SCN8A: variants seen among roughly 807,000 people sequenced by gnomAD.
SCN8A encodes sodium channel protein type 8 subunit alpha.
Under a neutral mutation model 184.1 loss-of-function variants are expected in SCN8A, and 30 were observed. The ratio of observed to expected loss-of-function variants is 0.16; its 90% CI spans 0.12 to 0.22. The LOEUF (loss-of-function observed/expected upper bound fraction) is 0.22. Ranked by LOEUF, SCN8A falls within the 10% of genes least tolerant of loss-of-function variation. The pLI, the probability that SCN8A is intolerant of heterozygous loss-of-function variation, is 1.00. For synonymous variants in SCN8A, 852 were observed against 907.0 expected (o/e 0.94, Z 1.09); for missense variants, 1,057 against 2,498.9 (o/e 0.42, Z 12.30).
At chr12:51,611,310 C>T (rs1007728075) in intron 1 of SCN8A, among the ~76,000 whole-genome samples, 6 of 151,752 alleles carry the variant, frequency 4.0e-5, no homozygotes, top group East Asian at 1.9e-4. Flanking sequence ...TACAGGTGCC[C>T]GCCACCACGC....
chr12:51,709,608 G>A (rs1352723438), intron 11 of SCN8A, among the ~76,000 whole-genome samples: 1 of 152,170 alleles, frequency 6.6e-6, no homozygotes, highest in African/African-American at 2.4e-5. Context: ...ACATGTTTTA[G>A]TCCAGAGTAA....
At chr12:51,789,115 GGCAGGCCAT>G (rs1431565552) in intron 23 of SCN8A, among the ~76,000 whole-genome samples, 157 bp from the exon 24 acceptor site, 1 of 152,154 alleles carries the variant, frequency 6.6e-6, no homozygotes, top group African/African-American at 2.4e-5. Flanking sequence ...GTCCTCTCAA[GGCAGGCCAT>G]GCCAGTGTAG....
At chr12:51,616,260 C>T (rs1939834168) in intron 1 of SCN8A, among the ~76,000 whole-genome samples, 1 of 152,114 alleles carries the variant, frequency 6.6e-6, no homozygotes, top group African/African-American at 2.4e-5. Context: ...TCATCATCAT[C>T]TTTTAAAAAT....
chr12:51,602,261 A>G (rs928720285), intron 1 of SCN8A, among the ~76,000 whole-genome samples: 4 of 152,186 alleles, frequency 2.6e-5, no homozygotes, highest in African/African-American at 4.8e-5. Flanking sequence ...ATATGAATTG[A>G]AACATCACTA....
Position 51,756,278 on chromosome 12 carries a change from A to T in SCN8A, c.2370+4685A>T, listed in dbSNP as rs148259235. ...TTGACTTTATCCCAAACTAGGCGAC[A>T]TCCTCCTCACCCTGATGAGCTCTCA... On this transcript the variant is annotated intron_variant, in intron 14 of 26. Coordinates refer to ENST00000627620, the MANE Select transcript of SCN8A (RefSeq NM_001330260.2). Among the ~76,000 whole-genome samples the T allele has an allele frequency of 1.2e-3, 190 of 152,212 alleles. 1 individual carries two copies. The highest frequency in any genetic ancestry group is 4.3e-3 in the African/African-American group (179 of 41,512).
chr12:51,739,563 A>T (rs570206993), intron 12 of SCN8A, among the ~76,000 whole-genome samples: 1 of 152,200 alleles, frequency 6.6e-6, no homozygotes, highest in Non-Finnish European at 1.5e-5. Flanking sequence ...TATCAGTGTG[A>T]AAAAGTTCTA....
At chr12:51,602,741 C>T (rs1408066978) in intron 1 of SCN8A, among the ~76,000 whole-genome samples, 1 of 152,114 alleles carries the variant, frequency 6.6e-6, no homozygotes, top group Non-Finnish European at 1.5e-5. Context: ...AGAAACCCTG[C>T]TTTCTAGTGT....
chr12:51,803,268 T>C (rs2138936342), intron 26 of SCN8A, among the ~76,000 whole-genome samples: 1 of 152,144 alleles, frequency 6.6e-6, no homozygotes, highest in African/African-American at 2.4e-5. Flanking sequence ...GCAGGAAGCA[T>C]CCAGCGCGGG....
At chr12:51,652,154 ACT>A (rs1262911978) in intron 1 of SCN8A, among the ~76,000 whole-genome samples, 1 of 150,420 alleles carries the variant, frequency 6.6e-6, no homozygotes, top group Non-Finnish European at 1.5e-5. Context: ...TAATCTGAAC[ACT>A]CTGCATCACA....
intron 1 of SCN8A, among the ~76,000 whole-genome samples, chr12:51,626,452 A>G (rs1940079542): frequency 6.6e-6 from 1 of 152,202 alleles, no homozygotes; most frequent in African/African-American, 2.4e-5. Flanking sequence ...ATTTAATTCA[A>G]TGCATTATTG....
intron 2 of SCN8A, among the ~76,000 whole-genome samples, chr12:51,670,141 AGGGGAT>A (rs768423428): frequency 2.8e-4 from 43 of 152,200 alleles, no homozygotes; most frequent in Non-Finnish European, 5.3e-4. Flanking sequence ...GCCCTTCTCA[AGGGGAT>A]GGGTCATTGA....
intron 11 of SCN8A, among the ~76,000 whole-genome samples, chr12:51,715,017 T>A (rs888593998): frequency 5.3e-5 from 8 of 152,124 alleles, no homozygotes; most frequent in African/African-American, 1.7e-4. Context: ...AAACCTCTAG[T>A]CTAGGAAAAT....
chr12:51,697,056 A>AAGG (rs1488541551), intron 6 of SCN8A, among the ~76,000 whole-genome samples: 1 of 115,358 alleles, frequency 8.7e-6, no homozygotes, highest in Non-Finnish European at 1.9e-5. Context: ...AAAAAAAATG[A>AAGG]AAAAGAAACA....
intron 2 of SCN8A, among the ~76,000 whole-genome samples, chr12:51,681,420 TGAG>T (rs1411873152): frequency 2.2e-4 from 34 of 152,290 alleles, no homozygotes; most frequent in African/African-American, 5.8e-4. Context: ...TGAGGTTGAA[TGAG>T]GAGGTTATTT....
rs148816266 is a variant in SCN8A at position 51,766,193 on chromosome 12, A to G, written c.2901+166A>G. The G allele has an allele frequency of 0.016, 10,588 of 662,666 alleles. 124 individuals carry two copies. The highest frequency in any genetic ancestry group is 0.044 in the Admixed American group (1,912 of 43,304). 41.0% of individuals were successfully genotyped at this position (662,666 alleles called of 1,614,324 possible). Reference sequence around the variant, plus strand: ...CTAAGGTACAAATGAAGGAGAGGAGAGAGATACTTACAGAGTGCCTACTTA... The same window carrying G: ...CTAAGGTACAAATGAAGGAGAGGAGGGAGATACTTACAGAGTGCCTACTTA... On this transcript the variant is annotated intron_variant, in intron 16 of 26. Coordinates refer to ENST00000627620, the MANE Select transcript of SCN8A (RefSeq NM_001330260.2).
chr12:51,641,183 T>C (rs1009009397), intron 1 of SCN8A, among the ~76,000 whole-genome samples: 1 of 152,180 alleles, frequency 6.6e-6, no homozygotes, highest in Non-Finnish European at 1.5e-5. Context: ...ATATTAGGTA[T>C]TATAAGGAAT....
intron 11 of SCN8A, chr12:51,712,448 C>A: frequency 1.3e-6 from 1 of 766,734 alleles, no homozygotes; most frequent in South Asian, 1.3e-5. Context: ...AACTGTAGCC[C>A]TTTTCTGCTG....
chr12:51,746,583 A>G (rs1384621104), intron 13 of SCN8A, among the ~76,000 whole-genome samples: 1 of 152,198 alleles, frequency 6.6e-6, no homozygotes, highest in Non-Finnish European at 1.5e-5. Context: ...AGGTAAGTTG[A>G]AACCCTTCTT....
chr12:51,700,262 C>T (rs117934372), intron 7 of SCN8A, among the ~76,000 whole-genome samples: 1,810 of 152,076 alleles, frequency 0.012, 18 homozygotes, highest in Non-Finnish European at 0.017. Context: ...TTCCTTTCCT[C>T]GACGTAGGAT....
Sources: allele counts gnomAD v4.1 joint callset (sites outside exome capture counted in the v4.1 genomes callset), GRCh38; gene constraint gnomAD v4.1.1; transcripts MANE v1.5; gene names NCBI Gene and HGNC (gene_info 2026-07-23, HGNC 2026-07-21).